PAK5: variants seen among roughly 807,000 people sequenced by gnomAD.
PAK5 encodes serine/threonine-protein kinase PAK 5.
A neutral mutation model predicts 65.9 loss-of-function variants in PAK5; 16 were observed. The ratio of observed to expected loss-of-function variants is 0.24; its 90% CI spans 0.16 to 0.37. PAK5 has a LOEUF of 0.37. PAK5 is among the 10% of genes least tolerant of loss of function. The pLI is 1.00. For synonymous variants in PAK5, 371 were observed against 354.9 expected, an observed-to-expected ratio of 1.05 and a Z score of -0.51; for missense variants, 785 against 903.9, an observed-to-expected ratio of 0.87 and a Z score of 1.69.
At chr20:9,688,812 G>A (rs1398811960) in intron 2 of PAK5, among the ~76,000 whole-genome samples, 1 of 152,046 alleles carries the variant, frequency 6.6e-6, no homozygotes, top group Non-Finnish European at 1.5e-5. Flanking sequence ...TTAGGACGGT[G>A]ACTGGCAAAA....
intron 1 of PAK5, among the ~76,000 whole-genome samples, chr20:9,749,850 A>C (rs760838761): frequency 6.6e-6 from 1 of 152,178 alleles, no homozygotes; most frequent in African/African-American, 2.4e-5. Flanking sequence ...AATGATTTAC[A>C]TGGTAGCCCA....
intron 3 of PAK5, among the ~76,000 whole-genome samples, chr20:9,619,592 T>C (rs915006232): frequency 3.9e-5 from 6 of 152,218 alleles, no homozygotes; most frequent in African/African-American, 1.2e-4. Flanking sequence ...TTCCTAAAGA[T>C]GAGGAGCTCG....
chr20:9,539,361 T>G lies in PAK5; in HGVS notation c.*101A>C, dbSNP rs1603183334. On this transcript the variant is annotated 3_prime_UTR_variant, in exon 10 of 10. Transcript: ENST00000353224. ...TCACGCTGTCCCACCAATTGGCTGG[T>G]CTAGAATGCACAGGCCTTTTGCATG... is the stretch of plus-strand genomic sequence containing the variant. 9 of 1,156,676 alleles carry G rather than the reference T, an allele frequency of 7.8e-6. No homozygotes were observed. The highest frequency in any genetic ancestry group is 2.5e-6 in the Non-Finnish European group (2 of 788,024). 71.7% of individuals were successfully genotyped at this position (1,156,676 alleles called of 1,614,324 possible). A position where few individuals can be genotyped will look rare whatever the true frequency, so the allele number is the denominator to read the frequency against.
chr20:9,704,506 C>A (rs911374887), intron 2 of PAK5, among the ~76,000 whole-genome samples: 18 of 152,082 alleles, frequency 1.2e-4, no homozygotes, highest in Admixed American at 1.2e-3. Flanking sequence ...GCCTGCCTGC[C>A]AGGGTTTATT....
chr20:9,749,773 T>A (rs571746450), intron 1 of PAK5, among the ~76,000 whole-genome samples: 1 of 152,288 alleles, frequency 6.6e-6, no homozygotes, highest in South Asian at 2.1e-4. Context: ...GCTTCCTTCA[T>A]CAGGAAAGTC....
intron 2 of PAK5, among the ~76,000 whole-genome samples, chr20:9,650,149 C>T (rs923710851): frequency 1.3e-5 from 2 of 152,318 alleles, no homozygotes; most frequent in African/African-American, 4.8e-5. Flanking sequence ...GTTTGGATAA[C>T]TCAATGAGAA....
chr20:9,801,561 G>A (rs1029004134), intron 1 of PAK5, among the ~76,000 whole-genome samples: 9 of 150,624 alleles, frequency 6.0e-5, no homozygotes, highest in African/African-American at 2.2e-4. Context: ...TTCATATGGA[G>A]CTTTTAATAG....
At chr20:9,654,058 C>T (rs550783100) in intron 2 of PAK5, among the ~76,000 whole-genome samples, 134 of 151,604 alleles carry the variant, frequency 8.8e-4, no homozygotes, top group South Asian at 1.7e-3. Context: ...ACTGCAACCT[C>T]TGCCTCCTGG....
At chr20:9,570,681 C>A (rs2045765566) in intron 4 of PAK5, among the ~76,000 whole-genome samples, 1 of 152,156 alleles carries the variant, frequency 6.6e-6, no homozygotes, top group South Asian at 2.1e-4. Flanking sequence ...GTCCTGGGAG[C>A]CATCACTTGC....
At chr20:9,665,091 T>TTTTTTTTTG (rs2047398704) in intron 2 of PAK5, among the ~76,000 whole-genome samples, 1 of 141,966 alleles carries the variant, frequency 7.0e-6, no homozygotes, top group African/African-American at 2.7e-5. Flanking sequence ...TTCTGTTTTT[T>TTTTTTTTTG]TTTTTTTTTG....
At chr20:9,622,441 G>A (rs987817979) in intron 3 of PAK5, among the ~76,000 whole-genome samples, 8 of 152,236 alleles carry the variant, frequency 5.3e-5, no homozygotes, top group African/African-American at 1.7e-4. Context: ...AAAGTTCTAC[G>A]GAATAGTGCT....
intron 3 of PAK5, among the ~76,000 whole-genome samples, chr20:9,596,854 T>C (rs908713721): frequency 1.3e-5 from 2 of 152,114 alleles, no homozygotes; most frequent in African/African-American, 4.8e-5. Flanking sequence ...TAAACCCTAC[T>C]TGGCACATAA....
At chr20:9,640,893 C>T (rs184906220) in intron 3 of PAK5, among the ~76,000 whole-genome samples, 154 of 152,244 alleles carry the variant, frequency 1.0e-3, no homozygotes, top group African/African-American at 3.6e-3. Context: ...AGCAGTGTGG[C>T]CCCGAAGAGT....
At chr20:9,774,708 C>A (rs890836483) in intron 1 of PAK5, among the ~76,000 whole-genome samples, 1 of 151,992 alleles carries the variant, frequency 6.6e-6, no homozygotes, top group Non-Finnish European at 1.5e-5. Context: ...TGACGGACGA[C>A]CAAGGTGGGC....
chr20:9,683,681 G>T (rs910617634), intron 2 of PAK5, among the ~76,000 whole-genome samples: 1 of 152,070 alleles, frequency 6.6e-6, no homozygotes, highest in Non-Finnish European at 1.5e-5. Context: ...ATAGGCCAGG[G>T]TATTTCTTTC....
At chr20:9,545,965 G>C (rs769991476) in intron 7 of PAK5, among the ~76,000 whole-genome samples, 1 of 151,960 alleles carries the variant, frequency 6.6e-6, no homozygotes, top group Non-Finnish European at 1.5e-5. Flanking sequence ...ACCCACAATA[G>C]TGCTTGGCCC....
intron 1 of PAK5, among the ~76,000 whole-genome samples, chr20:9,772,927 C>T (rs2123681175): frequency 6.6e-6 from 1 of 152,258 alleles, no homozygotes; most frequent in South Asian, 2.1e-4. Flanking sequence ...ACTTCCTCAC[C>T]CCTCCATGGG....
intron 3 of PAK5, among the ~76,000 whole-genome samples, chr20:9,629,587 G>A (rs1222654765): frequency 6.6e-6 from 1 of 152,030 alleles, no homozygotes; most frequent in African/African-American, 2.4e-5. Flanking sequence ...GCCTCTCAAA[G>A]CGCTGGGATT....
chr20:9,562,112 G>T (rs1402487474), intron 6 of PAK5, among the ~76,000 whole-genome samples: 1 of 152,156 alleles, frequency 6.6e-6, no homozygotes, highest in Non-Finnish European at 1.5e-5. Context: ...ATCCATCTCA[G>T]ATGTCACCTT....
Sources: allele counts gnomAD v4.1 joint callset (sites outside exome capture counted in the v4.1 genomes callset), GRCh38; gene constraint gnomAD v4.1.1; transcripts MANE v1.5; gene names NCBI Gene and HGNC (gene_info 2026-07-23, HGNC 2026-07-21).